MYH1: variants seen among roughly 807,000 people sequenced by gnomAD.
MYH1 encodes myosin heavy chain 1.
MYH1 carries 214 observed loss-of-function variants against 225.6 expected under a neutral mutation model. The ratio of observed to expected loss-of-function variants is 0.95; its 90% CI spans 0.85 to 1.06. The LOEUF (loss-of-function observed/expected upper bound fraction) is 1.06. Among genes scored for constraint, MYH1 ranks in the 50% least tolerant of loss-of-function variants. MYH1 has a pLI of 0.00. For missense variants in MYH1, 2,098 were observed against 2,344.2 expected (o/e 0.89, Z 2.17); for synonymous variants, 774 against 842.3 (o/e 0.92, Z 1.40).
chr17:10,516,249 G>GCA lies in MYH1; in HGVS notation c.297_298insTG (p.Pro100CysfsTer16). 1 of 1,614,190 alleles carries GCA rather than the reference G, an allele frequency of 6.2e-7. No individual in the cohort carries two copies. Among genetic ancestry groups the GCA allele is most frequent in the Non-Finnish European group, 8.5e-7 (1 of 1,180,028 alleles). ...TCTTTGAGGTTGTACAGCACAGCAG[G>GCA]CTCGTGTAGATGAGTCATCATGGCC... is the stretch of plus-strand genomic sequence containing the variant. On this transcript the variant is annotated frameshift_variant, in exon 4 of 40. Coordinates refer to ENST00000226207, the MANE Select transcript of MYH1 (RefSeq NM_005963.4). LOFTEE classifies it high-confidence loss of function.
rs765037791 is a variant in MYH1 at position 10,492,566 on chromosome 17, C to T, written c.5670G>A (p.Glu1890=). ...KSYKRQAEEA[E]EQSNVNLSKF... Reference sequence around the variant, plus strand: ...TGGAGAGGTTGACGTTGGATTGTTCCTCCTGTGAATGGAAATCCATTTATG... The same window carrying T: ...TGGAGAGGTTGACGTTGGATTGTTCTTCCTGTGAATGGAAATCCATTTATG... Residue 1890 remains glutamate (E), a splice_region_variant and synonymous_variant, in exon 40 of 40, where the codon GAG becomes GAA. Transcript: ENST00000226207. The T allele has an allele frequency of 6.2e-7, 1 of 1,609,274 alleles. No homozygotes were observed. Among genetic ancestry groups the T allele is most frequent in the South Asian group, 1.1e-5 (1 of 89,860 alleles).
At position 10,494,926 on chromosome 17, in the gene MYH1, C is replaced by T; in HGVS notation, c.5466+5G>A. On this transcript the variant is annotated splice_donor_5th_base_variant and intron_variant, in intron 37 of 39. Coordinates refer to ENST00000226207, the MANE Select transcript of MYH1 (RefSeq NM_005963.4). Reference sequence around the variant, plus strand: ...ATAGAAATACATGCTGATTAGGAGACCCACCCTGGCCTCCAGTTTCTGGAT... The same window carrying T: ...ATAGAAATACATGCTGATTAGGAGATCCACCCTGGCCTCCAGTTTCTGGAT... 6.2e-7 allele frequency: 1 copy of T among 1,614,060 alleles called. No individual in the cohort carries two copies. Among genetic ancestry groups the T allele is most frequent in the Non-Finnish European group, 8.5e-7 (1 of 1,179,986 alleles).
chr17:10,497,434 G>A lies in MYH1; in HGVS notation c.4384C>T (p.Gln1462Ter). ...NFDKILAEWK[Q>*]KCEETHAELE... ...TCAGCATGAGTTTCTTCACACTTCTGTTTCCATTCTGCCAGGATCTGAAGG... is the reference window on the plus strand; with the variant it reads ...TCAGCATGAGTTTCTTCACACTTCTATTTCCATTCTGCCAGGATCTGAAGG... Residue 1462 changes from glutamine (Q) to a stop codon, truncating the protein, a stop_gained, in exon 32 of 40, where the codon CAG (glutamine) becomes TAG (stop). Transcript: ENST00000226207. LOFTEE classifies it high-confidence loss of function. 6.2e-7 allele frequency: 1 copy of A among 1,605,992 alleles called. No homozygotes were observed. The highest frequency in any genetic ancestry group is 1.3e-5 in the African/African-American group (1 of 74,468).
intron 9 of MYH1, 50 bp from the exon 10 acceptor site, chr17:10,513,015 C>T (rs554710037): frequency 7.6e-7 from 1 of 1,307,918 alleles, no homozygotes; most frequent in Non-Finnish European, 1.1e-6. Context: ...ACACAATGTC[C>T]TGGAGTGATT....
rs199524427 is a variant in MYH1, at chr17:10,501,459, C to T, written c.3389G>A (p.Arg1130Gln). 65 of 1,614,224 alleles carry T rather than the reference C, an allele frequency of 4.0e-5. No homozygotes were observed. The highest frequency in any genetic ancestry group is 2.0e-4 in the African/African-American group (15 of 75,044). ...EELEEEIEAE[R>Q]ASRAKAEKQR... ...CTTCTCTGCTTTGGCCCGGGAGGCC[C>T]GCTCTGCCTCGATTTCCTCCTCCAG... The change falls in exon 27 of 40, where the codon CGG becomes CAG. Residue 1130 changes from arginine (R) to glutamine (Q), a missense_variant. Coordinates refer to ENST00000226207, the MANE Select transcript of MYH1 (RefSeq NM_005963.4).
At chr17:10,499,191 A>C in intron 28 of MYH1, 99 bp from the exon 29 acceptor site, 1 of 954,258 alleles carries the variant, frequency 1.0e-6, no homozygotes, top group Non-Finnish European at 1.7e-6. Context: ...TTGAAACTTG[A>C]TGGAGGGCAT....
rs2073102644 is a variant in MYH1 at position 10,505,522 on chromosome 17, CAGACA to C, written c.2175-16_2175-12del. ...TTTAACACCTTGTATCTGTTTAAGC[CAGACA>C]AAAAAATGATATGGCTGTTGCCACA... is the stretch of plus-strand genomic sequence containing the variant. On this transcript the variant is annotated splice_polypyrimidine_tract_variant and intron_variant, in intron 19 of 39. Coordinates refer to ENST00000226207, the MANE Select transcript of MYH1 (RefSeq NM_005963.4). The C allele has an allele frequency of 6.2e-7, 1 of 1,610,560 alleles. No homozygotes were observed. Among genetic ancestry groups the C allele is most frequent in the Non-Finnish European group, 8.5e-7 (1 of 1,178,980 alleles).
Position 10,496,330 on chromosome 17 carries a change from G to T in MYH1, c.4876C>A (p.Leu1626Ile). The change falls in exon 34 of 40, where the codon CTC (leucine) becomes ATC (isoleucine). Residue 1626 changes from leucine (L) to isoleucine (I), a missense_variant. Transcript: ENST00000226207. ...IRLKKKMEGD[L>I]NEMEIQLNHA... ...TTCAGCTGGATTTCCATTTCATTGA[G>T]GTCTCCCTCCATCTTCTTCTTGAGC... 1 of 1,614,028 alleles carries T rather than the reference G, an allele frequency of 6.2e-7. No individual in the cohort carries two copies. Among genetic ancestry groups the T allele is most frequent in the Non-Finnish European group, 8.5e-7 (1 of 1,180,010 alleles).
chr17:10,508,299 A>C, intron 16 of MYH1, 64 bp downstream of exon 16: 5 of 1,509,066 alleles, frequency 3.3e-6, no homozygotes, highest in African/African-American at 1.4e-5. Context: ...GATTACAGGC[A>C]CCGTGTCTGG....
In MYH1 at chr17:10,494,973, G is replaced by C. The variant is rs1425646680; in HGVS notation, c.5424C>G (p.Ala1808=). 2 of 1,613,978 alleles carry C rather than the reference G, an allele frequency of 1.2e-6. No homozygotes were observed. Among genetic ancestry groups the C allele is most frequent in the South Asian group, 2.2e-5 (2 of 91,072 alleles). Residue 1808 remains alanine, a synonymous_variant, in exon 37 of 40, where the codon GCC becomes GCG. Coordinates refer to ENST00000226207, the MANE Select transcript of MYH1 (RefSeq NM_005963.4). Reference sequence around the variant, plus strand: ...GGATCTGCTTCTTCCCACCCTTCAGGGCCAGCTGCTCAGCCTCATCCAGAC... The same window carrying C: ...GGATCTGCTTCTTCCCACCCTTCAGCGCCAGCTGCTCAGCCTCATCCAGAC... The part of the protein sequence containing the change: ...QHRLDEAEQL[A]LKGGKKQIQK...
At chr17:10,516,806 T>A in intron 2 of MYH1, 124 bp from the exon 3 acceptor site, 1 of 778,612 alleles carries the variant, frequency 1.3e-6, no homozygotes, top group Non-Finnish European at 2.0e-6. Flanking sequence ...TATGACCACC[T>A]CCCTGGCTTG....
chr17:10,494,472 A>G (rs1298861885), intron 38 of MYH1, 23 bp from the exon 39 acceptor site: 9 of 1,610,426 alleles, frequency 5.6e-6, no homozygotes, highest in Non-Finnish European at 5.1e-6. Context: ...TTTCAAGAGT[A>G]AGTTTCTTGA....
intron 24 of MYH1, 106 bp downstream of exon 24, chr17:10,502,632 T>C: frequency 6.6e-7 from 1 of 1,514,384 alleles, no homozygotes; most frequent in East Asian, 2.3e-5. Flanking sequence ...TCCTCATTCA[T>C]AGGAGGCACT....
At position 10,497,673 on chromosome 17, in the gene MYH1, G is replaced by A. The variant is rs920243443; in HGVS notation, c.4365+61C>T. 4.4e-6 allele frequency: 7 copies of A among 1,598,286 alleles called. No homozygotes were observed. In the Admixed American group the frequency reaches 5.1e-5, roughly 12 times the overall value. On this transcript the variant is annotated intron_variant, in intron 31 of 39. Coordinates refer to ENST00000226207, the MANE Select transcript of MYH1 (RefSeq NM_005963.4). ...TCAGATGGTTTGAATTGGGCACACT[G>A]AAGGTAGCAGGCTATTGTTAATTCT...
At position 10,496,334 on chromosome 17, in the gene MYH1, T is replaced by C. The variant is rs1449445677; in HGVS notation, c.4872A>G (p.Gly1624=). 3 of 1,614,098 alleles carry C rather than the reference T, an allele frequency of 1.9e-6. No homozygotes were observed. The highest frequency in any genetic ancestry group is 2.5e-6 in the Non-Finnish European group (3 of 1,180,022). The change falls in exon 34 of 40, where the codon GGA becomes GGG. Residue 1624 remains glycine (G), a synonymous_variant. Transcript: ENST00000226207. The part of the protein sequence containing the change: ...DAIRLKKKME[G]DLNEMEIQLN... The stretch of plus-strand genomic sequence containing the variant: ...GCTGGATTTCCATTTCATTGAGGTC[T>C]CCCTCCATCTTCTTCTTGAGCCTAA...
intron 39 of MYH1, among the ~76,000 whole-genome samples, chr17:10,493,114 T>A (rs1246265816): frequency 6.6e-6 from 1 of 152,214 alleles, no homozygotes; most frequent in African/African-American, 2.4e-5. Context: ...CTGGTAATCA[T>A]TCTTATTTAA....
intron 17 of MYH1, 60 bp from the exon 18 acceptor site, chr17:10,506,159 T>C (rs2073110819): frequency 2.5e-6 from 4 of 1,590,888 alleles, no homozygotes; most frequent in Non-Finnish European, 3.4e-6. Flanking sequence ...TTCATATTTA[T>C]AGACATAATT....
chr17:10,505,302 A>C lies in MYH1; in HGVS notation c.2299-3T>G. ...AGAAGACCAGCTTTGAAAAAGACCT[A>C]TGTGTGGGAAGAATTTCAGATCAGA... On this transcript the variant is annotated splice_region_variant and splice_polypyrimidine_tract_variant and intron_variant, in intron 20 of 39. Coordinates refer to ENST00000226207, the MANE Select transcript of MYH1 (RefSeq NM_005963.4). 6.2e-7 allele frequency: 1 copy of C among 1,614,134 alleles called. No homozygotes were observed. Among genetic ancestry groups the C allele is most frequent in the South Asian group, 1.1e-5 (1 of 91,082 alleles).
rs1254597602 is a variant in MYH1, at chr17:10,512,121, C to A, written c.1219G>T (p.Val407Phe). 1 of 1,614,062 alleles carries A rather than the reference C, an allele frequency of 6.2e-7. No individual in the cohort carries two copies. Among genetic ancestry groups the A allele is most frequent in the African/African-American group, 1.3e-5 (1 of 74,926 alleles). ...GTGACATACTCATTGCCGACCTTGA[C>A]CCTAGGGTAGCAGAGGGCTTTGAGC... ...DLLKALCYPR[V>F]KVGNEYVTKG... Residue 407 changes from valine to phenylalanine, a missense_variant, in exon 13 of 40, where the codon GTC becomes TTC. By Grantham distance (50) the Val-to-Phe change is conservative. Transcript: ENST00000226207.
Sources: allele counts gnomAD v4.1 joint callset (sites outside exome capture counted in the v4.1 genomes callset), GRCh38; gene constraint gnomAD v4.1.1; transcripts MANE v1.5; gene names NCBI Gene and HGNC (gene_info 2026-07-23, HGNC 2026-07-21).